The following CCDC93 variants were observed in gnomAD, a reference collection of about 807,000 sequenced individuals.
CCDC93 encodes coiled-coil domain-containing protein 93.
Under a neutral mutation model 108.2 loss-of-function variants are expected in CCDC93, and 61 were observed. The ratio of observed to expected loss-of-function variants is 0.56; its 90% CI spans 0.46 to 0.70. CCDC93 has a LOEUF of 0.70. Ranked by LOEUF, CCDC93 falls within the 30% of genes least tolerant of loss-of-function variation. The pLI is 0.00. For missense variants in CCDC93, 685 were observed against 764.2 expected, an observed-to-expected ratio of 0.90 and a Z score of 1.22; for synonymous variants, 276 against 260.4, an observed-to-expected ratio of 1.06 and a Z score of -0.58.
chr2:117,998,782 A>C (rs1680746465), intron 4 of CCDC93: 1 of 152,208 alleles, frequency 6.6e-6, no homozygotes, highest in African/African-American at 2.4e-5. Flanking sequence ...AAAGGTAACA[A>C]CTTCACAGTT....
intron 6 of CCDC93, among the ~76,000 whole-genome samples, chr2:117,993,393 CA>C (rs61495252): frequency 0.12 from 8,027 of 64,282 alleles, 157 homozygotes; most frequent in Middle Eastern, 0.16. Flanking sequence ...GACTCCGTCT[CA>C]AAAAAAAAAA....
At chr2:117,994,187 T>C (rs1201711498) in intron 6 of CCDC93, among the ~76,000 whole-genome samples, 2 of 147,702 alleles carry the variant, frequency 1.4e-5, no homozygotes, top group African/African-American at 2.5e-5. Flanking sequence ...GCTTCCGTGT[T>C]GTGAAATTAA....
chr2:117,946,083 C>A (rs1192979391), intron 16 of CCDC93, among the ~76,000 whole-genome samples: 1 of 152,156 alleles, frequency 6.6e-6, no homozygotes, highest in Non-Finnish European at 1.5e-5. Context: ...TGCAACCACT[C>A]AGGAGAGTGA....
At chr2:117,983,977 T>C (rs1258538108) in intron 7 of CCDC93, among the ~76,000 whole-genome samples, 1 of 152,196 alleles carries the variant, frequency 6.6e-6, no homozygotes. Context: ...GATAATGACA[T>C]GCTTTTGAAG....
chr2:117,958,434 G>C lies in CCDC93; in HGVS notation c.936C>G (p.Ser312=), dbSNP rs776576841. 24 of 1,613,724 alleles carry C rather than the reference G, an allele frequency of 1.5e-5. No homozygotes were observed. In the African/African-American group the frequency reaches 3.2e-4, roughly 22 times the overall value. Residue 312 remains serine, a synonymous_variant, in exon 12 of 24, where the codon TCC becomes TCG. Transcript: ENST00000376300. ...AAATGACTTTCCGGCGATGTAGCTG[G>C]GAGGTTCCTAATTTTTCTGGACTTT... is the stretch of plus-strand genomic sequence containing the variant. ...AEESPEKLGT[S]QLHRRKVISL... is the part of the protein sequence containing the mutation.
chr2:118,006,788 G>C lies in CCDC93; in HGVS notation c.185C>G (p.Thr62Ser), dbSNP rs761242541. 1.9e-6 allele frequency: 3 copies of C among 1,610,722 alleles called. No homozygotes were observed. Among genetic ancestry groups the C allele is most frequent in the Non-Finnish European group, 2.5e-6 (3 of 1,176,940 alleles). The change falls in exon 3 of 24, where the codon ACC becomes AGC. Residue 62 changes from threonine (T) to serine (S), a missense_variant. Transcript: ENST00000376300. ...KVVGGMTWCI[T>S]TCNFDVDVDL... ...AACATCTACATCAAAGTTGCAAGTGGTGATACACCAAGTCATTCCTCCTAC... is the reference window on the plus strand; with the variant it reads ...AACATCTACATCAAAGTTGCAAGTGCTGATACACCAAGTCATTCCTCCTAC...
chr2:117,962,386 G>A (rs1256459610), intron 11 of CCDC93, among the ~76,000 whole-genome samples: 1 of 152,232 alleles, frequency 6.6e-6, no homozygotes, highest in Non-Finnish European at 1.5e-5. Flanking sequence ...GCTCGCGCCT[G>A]TAATCCCAGC....
chr2:117,993,583 T>G (rs1220082184), intron 6 of CCDC93, among the ~76,000 whole-genome samples: 1 of 152,228 alleles, frequency 6.6e-6, no homozygotes, highest in African/African-American at 2.4e-5. Flanking sequence ...AGCAATTTCC[T>G]GCCTCAGAGG....
chr2:117,929,941 C>T (rs536802649), intron 23 of CCDC93, among the ~76,000 whole-genome samples: 7 of 152,226 alleles, frequency 4.6e-5, no homozygotes, highest in Non-Finnish European at 8.8e-5. Flanking sequence ...TTTGTTATGA[C>T]TTGTTCTTAG....
intron 3 of CCDC93, among the ~76,000 whole-genome samples, chr2:118,003,670 G>A (rs1176953767): frequency 1.3e-5 from 2 of 152,236 alleles, no homozygotes; most frequent in East Asian, 3.9e-4. Context: ...CCACTCTTCG[G>A]AGCCAGCCTA....
chr2:118,013,007 C>T (rs998529098), intron 1 of CCDC93: 1 of 152,204 alleles, frequency 6.6e-6, no homozygotes, highest in African/African-American at 2.4e-5. Flanking sequence ...TGCTCCAGAA[C>T]CTTAGGAAAA....
intron 4 of CCDC93, chr2:118,000,612 T>C: frequency 4.0e-6 from 2 of 498,700 alleles, no homozygotes; most frequent in South Asian, 3.2e-5. Context: ...AAAGATCTTA[T>C]CAGGTGACAG....
intron 6 of CCDC93, among the ~76,000 whole-genome samples, chr2:117,991,217 T>C (rs1176251368): frequency 2.6e-5 from 4 of 152,088 alleles, no homozygotes; most frequent in African/African-American, 9.7e-5. Context: ...ACAGGACAGC[T>C]CCCACCTGGC....
intron 23 of CCDC93, among the ~76,000 whole-genome samples, chr2:117,927,678 T>C (rs908589671): frequency 1.3e-5 from 2 of 152,104 alleles, no homozygotes; most frequent in African/African-American, 2.4e-5. Flanking sequence ...AAAATGGCCA[T>C]ACTGCCCAAG....
Position 117,986,065 on chromosome 2 carries a change from A to G in CCDC93, c.524T>C (p.Val175Ala), listed in dbSNP as rs750813537. The G allele has an allele frequency of 6.2e-7, 1 of 1,605,550 alleles. No homozygotes were observed. Among genetic ancestry groups the G allele is most frequent in the South Asian group, 1.1e-5 (1 of 90,688 alleles). Reference sequence around the variant, plus strand: ...TTTGTATTTCCGACGGGGCTTGTACACTTCCTAAGTGGATGAGACAGCCAA... The same window carrying G: ...TTTGTATTTCCGACGGGGCTTGTACGCTTCCTAAGTGGATGAGACAGCCAA... ...AIKTVVDLSE[V>A]YKPRRKYKRH... The change falls in exon 7 of 24, where the codon GTG becomes GCG. Residue 175 changes from valine (V) to alanine (A), a missense_variant. Val to Ala is a moderately conservative substitution (Grantham distance 64). Coordinates refer to ENST00000376300, the MANE Select transcript of CCDC93 (RefSeq NM_019044.5).
chr2:117,986,262 C>T (rs563265278), intron 6 of CCDC93, among the ~76,000 whole-genome samples, 193 bp from the exon 7 acceptor site: 10 of 150,456 alleles, frequency 6.6e-5, no homozygotes, highest in African/African-American at 1.9e-4. Flanking sequence ...CTGCCTCTAC[C>T]GTGGGGTATA....
At chr2:117,939,361 T>C (rs1678625029) in intron 19 of CCDC93, among the ~76,000 whole-genome samples, 1 of 152,178 alleles carries the variant, frequency 6.6e-6, no homozygotes, top group Non-Finnish European at 1.5e-5. Flanking sequence ...ATTACTCCCA[T>C]AAATGAACCA....
At chr2:117,998,026 A>C (rs1680714280) in intron 4 of CCDC93, 1 of 152,204 alleles carries the variant, frequency 6.6e-6, no homozygotes, top group South Asian at 2.1e-4. Context: ...TCCAGCATGA[A>C]AGGCTATAGA....
At chr2:117,945,947 T>C (rs1412380930) in intron 16 of CCDC93, among the ~76,000 whole-genome samples, 1 of 152,190 alleles carries the variant, frequency 6.6e-6, no homozygotes, top group African/African-American at 2.4e-5. Context: ...TTTAAAGTTT[T>C]AGAAACAACA....
Sources: gnomAD v4.1 joint callset for allele counts (sites outside exome capture counted in the v4.1 genomes callset) on GRCh38, gnomAD v4.1.1 for gene constraint, MANE v1.5 for transcripts, NCBI Gene and HGNC (gene_info 2026-07-23, HGNC 2026-07-21) for gene names.